Variants in SH3KBP1 observed in about 807,000 individuals in gnomAD.
The protein encoded by SH3KBP1 is SH3 domain-containing kinase-binding protein 1.
SH3KBP1 carries 8 observed loss-of-function variants against 50.1 expected under a neutral mutation model. The ratio of observed to expected loss-of-function variants is 0.16; its 90% CI spans 0.09 to 0.29. The LOEUF (loss-of-function observed/expected upper bound fraction) is 0.29, where lower values mean the gene tolerates loss of function less well. Ranked by LOEUF, SH3KBP1 falls within the 10% of genes least tolerant of loss-of-function variation. SH3KBP1 has a pLI of 1.00. For missense variants in SH3KBP1, 377 were observed against 535.2 expected (o/e 0.70, Z 2.92); for synonymous variants, 227 against 218.6 (o/e 1.04, Z -0.34).
At chrX:19,748,280 G>A (rs1349499624) in intron 2 of SH3KBP1, among the ~76,000 whole-genome samples, 1 of 112,035 alleles carries the variant, frequency 8.9e-6, no homozygotes, top group Non-Finnish European at 1.9e-5. Context: ...CATAGCAAGT[G>A]TCTACTTAGC....
rs890880730 is a variant in SH3KBP1, at chrX:19,534,941, T to C, written c.*1476A>G. ...TTTTTGCATCACTTCTTCGGTATTA[T>C]CAACTCTCATTCTTTGTGGCTGTGC... On this transcript the variant is annotated 3_prime_UTR_variant, in exon 18 of 18. Coordinates refer to ENST00000397821, the MANE Select transcript of SH3KBP1 (RefSeq NM_031892.3). 1 of 297,840 alleles carries C rather than the reference T, an allele frequency of 3.4e-6. No individual in the cohort carries two copies. Among genetic ancestry groups the C allele is most frequent in the Non-Finnish European group, 5.9e-6 (1 of 170,396 alleles). The allele number at this position is 297,840 out of a possible 1,213,427, so 24.5% of individuals were successfully genotyped here.
intron 1 of SH3KBP1, among the ~76,000 whole-genome samples, chrX:19,837,175 G>T (rs1603274005): frequency 8.9e-6 from 1 of 112,089 alleles, no homozygotes; most frequent in East Asian, 2.8e-4. Context: ...AGAGGGCCTG[G>T]CTGGCCAAGC....
chrX:19,629,298 G>C (rs1034195909), intron 8 of SH3KBP1, among the ~76,000 whole-genome samples: 2 of 110,707 alleles, frequency 1.8e-5, no homozygotes, highest in African/African-American at 3.3e-5. Flanking sequence ...ACGGGTGAAG[G>C]AGTGCTAGGA....
intron 6 of SH3KBP1, among the ~76,000 whole-genome samples, chrX:19,677,818 T>C (rs1318436364): frequency 8.9e-6 from 1 of 112,337 alleles, no homozygotes; most frequent in Admixed American, 9.4e-5. Flanking sequence ...TCCCCTTCTA[T>C]GTAAAGAAAT....
chrX:19,664,934 C>T (rs781231660), intron 6 of SH3KBP1, among the ~76,000 whole-genome samples: 9 of 112,310 alleles, frequency 8.0e-5, no homozygotes, highest in Non-Finnish European at 1.1e-4. Flanking sequence ...AATGTAGTAA[C>T]TAGACAATGC....
intron 5 of SH3KBP1, chrX:19,687,519 C>T (rs1043374473): frequency 1.3e-4 from 87 of 660,126 alleles, no homozygotes; most frequent in Non-Finnish European, 1.8e-4. Flanking sequence ...AGACACTTGG[C>T]ATAAGCATGA....
At chrX:19,762,637 C>T (rs1221684365) in intron 2 of SH3KBP1, among the ~76,000 whole-genome samples, 5 of 111,764 alleles carry the variant, frequency 4.5e-5, no homozygotes, top group Non-Finnish European at 9.4e-5. Context: ...AATAATAAAA[C>T]TCTGGTCTCC....
At chrX:19,543,531 G>C (rs769610212) in intron 15 of SH3KBP1, among the ~76,000 whole-genome samples, 1 of 111,510 alleles carries the variant, frequency 9.0e-6, no homozygotes, top group Non-Finnish European at 1.9e-5. Context: ...GCTCCTGGCA[G>C]ATGACCACCT....
intron 2 of SH3KBP1, among the ~76,000 whole-genome samples, chrX:19,800,798 G>A (rs985366905): frequency 8.0e-5 from 9 of 111,884 alleles, no homozygotes; most frequent in African/African-American, 2.0e-4. Flanking sequence ...GATCAAATCC[G>A]CTGTCACTCA....
At chrX:19,551,724 T>G (rs1262422908) in intron 13 of SH3KBP1, among the ~76,000 whole-genome samples, 1 of 108,870 alleles carries the variant, frequency 9.2e-6, no homozygotes, top group Non-Finnish European at 1.9e-5. Context: ...GGTTTTGACA[T>G]GTTGCCCAGG....
At chrX:19,699,634 CT>C (rs2063500059) in intron 4 of SH3KBP1, among the ~76,000 whole-genome samples, 1 of 112,646 alleles carries the variant, frequency 8.9e-6, no homozygotes, top group Non-Finnish European at 1.9e-5. Context: ...AATAAAACCA[CT>C]TCAACAGTTT....
At chrX:19,686,084 C>T (rs376796523) in intron 5 of SH3KBP1, among the ~76,000 whole-genome samples, 47 of 111,607 alleles carry the variant, frequency 4.2e-4, no homozygotes, top group Middle Eastern at 9.3e-3. Flanking sequence ...AAATACTCTA[C>T]GTTACACAGA....
chrX:19,650,675 A>C lies in SH3KBP1; in HGVS notation c.727-5200T>G, dbSNP rs779496956. On this transcript the variant is annotated intron_variant, in intron 6 of 17. Transcript: ENST00000397821. ...AAGATAAAGATGACTCTTTGATGGC[A>C]TTCCTTTTACAACACTGGTATCTGA... Among the ~76,000 whole-genome samples the C allele has an allele frequency of 7.1e-5, 8 of 112,756 alleles. No individual in the cohort carries two copies. The East Asian group carries it at 2.2e-3, about 32-fold the overall frequency.
intron 2 of SH3KBP1, among the ~76,000 whole-genome samples, chrX:19,804,889 C>A (rs1237217390): frequency 3.1e-4 from 25 of 81,685 alleles, no homozygotes; most frequent in Non-Finnish European, 5.3e-4. Context: ...CCTACCCCCC[C>A]CCCCCCACCC....
intron 6 of SH3KBP1, 26 bp from the exon 7 acceptor site, chrX:19,645,501 C>CT (rs763784200): frequency 1.9e-6 from 2 of 1,050,696 alleles, no homozygotes; most frequent in Non-Finnish European, 2.7e-6. Context: ...GATGATTTTA[C>CT]TTATCAAGAT....
intron 12 of SH3KBP1, among the ~76,000 whole-genome samples, chrX:19,579,911 A>G (rs1456802515): frequency 9.0e-6 from 1 of 110,648 alleles, no homozygotes; most frequent in Non-Finnish European, 1.9e-5. Context: ...TGATGCAGGA[A>G]CCCCTCCCCC....
intron 4 of SH3KBP1, among the ~76,000 whole-genome samples, chrX:19,703,265 A>G (rs951418796): frequency 3.6e-5 from 4 of 111,756 alleles, no homozygotes; most frequent in African/African-American, 6.5e-5. Context: ...AAAAATATAC[A>G]GGTGTGAAGA....
At chrX:19,879,234 G>A (rs763673736) in intron 1 of SH3KBP1, among the ~76,000 whole-genome samples, 2 of 112,295 alleles carry the variant, frequency 1.8e-5, no homozygotes, top group Admixed American at 9.4e-5. Flanking sequence ...AACAGAGTGA[G>A]ACCCTGTCTC....
At chrX:19,797,743 T>A (rs1033024485) in intron 2 of SH3KBP1, among the ~76,000 whole-genome samples, 39 of 110,748 alleles carry the variant, frequency 3.5e-4, no homozygotes, top group African/African-American at 1.2e-3. Flanking sequence ...AGCCTATGGA[T>A]GAGATGAAAT....
Sources: allele counts gnomAD v4.1 joint callset (sites outside exome capture counted in the v4.1 genomes callset), GRCh38; gene constraint gnomAD v4.1.1; transcripts MANE v1.5; gene names NCBI Gene and HGNC (gene_info 2026-07-23, HGNC 2026-07-21).